KCNB2: variants seen among roughly 807,000 people sequenced by gnomAD.
KCNB2 encodes the protein potassium voltage-gated channel subfamily B member 2, also known as delayed rectifier potassium channel protein.
Under a neutral mutation model 61.5 loss-of-function variants are expected in KCNB2, and 15 were observed. That is an observed-to-expected ratio of 0.24 (90% CI 0.16 to 0.38). KCNB2 has a LOEUF of 0.38. Ranked by LOEUF, KCNB2 falls within the 10% of genes least tolerant of loss-of-function variation. The probability of loss-of-function intolerance (pLI) is 1.00; values close to 1 mark genes in which losing one functional copy is unlikely to be tolerated. For missense variants in KCNB2, 828 were observed against 1,125.2 expected (o/e 0.74, Z 3.78); for synonymous variants, 457 against 446.0 (o/e 1.02, Z -0.31).
At chr8:72,917,943 G>A (rs559360422) in intron 2 of KCNB2, among the ~76,000 whole-genome samples, 1 of 152,182 alleles carries the variant, frequency 6.6e-6, no homozygotes, top group Non-Finnish European at 1.5e-5. Flanking sequence ...CCAAAGAGGT[G>A]TGAAAGGTGT....
chr8:72,767,446 C>A (rs1229107750), intron 2 of KCNB2, among the ~76,000 whole-genome samples: 1 of 152,146 alleles, frequency 6.6e-6, no homozygotes, highest in Non-Finnish European at 1.5e-5. Flanking sequence ...TAGGTGACCA[C>A]TAATCTGTTT....
intron 1 of KCNB2, among the ~76,000 whole-genome samples, chr8:72,539,026 T>C (rs917864942): frequency 6.6e-6 from 1 of 152,078 alleles, no homozygotes; most frequent in Non-Finnish European, 1.5e-5. Flanking sequence ...TAAAGTTACA[T>C]ATCAAGAAAA....
intron 2 of KCNB2, among the ~76,000 whole-genome samples, chr8:72,725,510 CAT>C (rs774224955): frequency 0.12 from 7,169 of 58,622 alleles, 268 homozygotes; most frequent in East Asian, 0.19. Flanking sequence ...TCTTTGTCTT[CAT>C]ATATATATAT....
At chr8:72,932,639 T>C (rs1055747893) in intron 2 of KCNB2, among the ~76,000 whole-genome samples, 4 of 152,208 alleles carry the variant, frequency 2.6e-5, no homozygotes, top group Non-Finnish European at 5.9e-5. Flanking sequence ...GTCCAACCTT[T>C]ATATAAGGGC....
At position 72,561,126 on chromosome 8, in the gene KCNB2, A is replaced by AAAAGC. The variant is rs1313149543; in HGVS notation, c.-93-6514_-93-6510dup. ...AGGATTTCATCTGAGTGTATCTAAA[A>AAAAGC]AAAGCATCGGTTATATCAAGGATAA... On this transcript the variant is annotated intron_variant, in intron 1 of 2. Transcript: ENST00000523207. Among the ~76,000 whole-genome samples, 22 of 152,240 alleles carry AAAAGC rather than the reference A, an allele frequency of 1.4e-4. No homozygotes were observed. The East Asian group carries it at 4.2e-3, about 29-fold the overall frequency.
intron 2 of KCNB2, among the ~76,000 whole-genome samples, chr8:72,618,445 T>G (rs1805654795): frequency 6.6e-6 from 1 of 152,212 alleles, no homozygotes; most frequent in Non-Finnish European, 1.5e-5. Flanking sequence ...AACATAAATT[T>G]TTATTATTTT....
chr8:72,538,289 C>G (rs1416754930), intron 1 of KCNB2, among the ~76,000 whole-genome samples: 2 of 152,126 alleles, frequency 1.3e-5, no homozygotes, highest in Non-Finnish European at 2.9e-5. Flanking sequence ...GCATTTTATT[C>G]TTCAAGCGGT....
chr8:72,546,347 C>G (rs1806257942), intron 1 of KCNB2, among the ~76,000 whole-genome samples: 1 of 151,970 alleles, frequency 6.6e-6, no homozygotes, highest in South Asian at 2.1e-4. Context: ...AACCCCGTGT[C>G]TACTAAAAAA....
chr8:72,577,331 T>TAG (rs747805527), intron 2 of KCNB2, among the ~76,000 whole-genome samples: 1 of 151,242 alleles, frequency 6.6e-6, no homozygotes, highest in Non-Finnish European at 1.5e-5. Flanking sequence ...GAGAAAGAGA[T>TAG]AGAGAGAGAG....
intron 2 of KCNB2, among the ~76,000 whole-genome samples, chr8:72,663,980 C>T (rs1334126226): frequency 6.6e-6 from 1 of 152,160 alleles, no homozygotes; most frequent in African/African-American, 2.4e-5. Context: ...TCAAAGGGAG[C>T]CCTGCCTTAA....
chr8:72,540,271 C>G (rs1806170921), intron 1 of KCNB2, among the ~76,000 whole-genome samples: 2 of 151,934 alleles, frequency 1.3e-5, no homozygotes, highest in Non-Finnish European at 2.9e-5. Context: ...AAGACTAATT[C>G]CAAAGGAAGA....
chr8:72,783,794 A>G (rs1287626138), intron 2 of KCNB2, among the ~76,000 whole-genome samples: 1 of 152,296 alleles, frequency 6.6e-6, no homozygotes, highest in African/African-American at 2.4e-5. Context: ...CCAAGTTTTT[A>G]TAAAACTTAC....
chr8:72,698,363 T>C (rs1807053222), intron 2 of KCNB2, among the ~76,000 whole-genome samples: 1 of 152,012 alleles, frequency 6.6e-6, no homozygotes, highest in South Asian at 2.1e-4. Flanking sequence ...AAATCATAGA[T>C]GACATAAACA....
intron 2 of KCNB2, among the ~76,000 whole-genome samples, chr8:72,622,242 G>T (rs1386745587): frequency 6.6e-6 from 1 of 152,048 alleles, no homozygotes; most frequent in Non-Finnish European, 1.5e-5. Context: ...AGTTTCAATA[G>T]GTTATAGACA....
At chr8:72,710,671 T>C (rs1395734545) in intron 2 of KCNB2, among the ~76,000 whole-genome samples, 1 of 152,156 alleles carries the variant, frequency 6.6e-6, no homozygotes, top group Non-Finnish European at 1.5e-5. Context: ...TACCCAGGAC[T>C]CTTCAGTATG....
chr8:72,927,517 G>A (rs1019129168), intron 2 of KCNB2, among the ~76,000 whole-genome samples: 14 of 152,160 alleles, frequency 9.2e-5, no homozygotes, highest in East Asian at 3.9e-4. Flanking sequence ...ATGACCCACC[G>A]GACTTGGTCT....
chr8:72,639,256 G>C (rs1806014836), intron 2 of KCNB2, among the ~76,000 whole-genome samples: 1 of 152,036 alleles, frequency 6.6e-6, no homozygotes. Context: ...TCCTGGATCT[G>C]ACCCAGCATG....
chr8:72,596,817 T>C (rs1004123170), intron 2 of KCNB2, among the ~76,000 whole-genome samples: 1 of 152,130 alleles, frequency 6.6e-6, no homozygotes, highest in Non-Finnish European at 1.5e-5. Context: ...TGGCTACTTT[T>C]TGGGGTTTTC....
chr8:72,708,208 G>A (rs1054728090), intron 2 of KCNB2, among the ~76,000 whole-genome samples: 4 of 152,206 alleles, frequency 2.6e-5, no homozygotes, highest in African/African-American at 9.6e-5. Context: ...TATCGGGAAG[G>A]GTGGGGAGAG....
Sources: gnomAD v4.1 joint callset for allele counts (sites outside exome capture counted in the v4.1 genomes callset) on GRCh38, gnomAD v4.1.1 for gene constraint, MANE v1.5 for transcripts, NCBI Gene and HGNC (gene_info 2026-07-23, HGNC 2026-07-21) for gene names.